HEATR5A: variants seen among roughly 807,000 people sequenced by gnomAD.
The protein encoded by HEATR5A is HEAT repeat containing 5A, also known as HEAT repeat-containing protein 5A.
Under a neutral mutation model 218.8 loss-of-function variants are expected in HEATR5A, and 178 were observed. The ratio of observed to expected loss-of-function variants is 0.81; its 90% CI spans 0.72 to 0.92. The LOEUF (loss-of-function observed/expected upper bound fraction) is 0.92, where lower values mean the gene tolerates loss of function less well. Ranked by LOEUF, HEATR5A falls within the 40% of genes least tolerant of loss-of-function variation. HEATR5A has a pLI of 0.00. For missense variants in HEATR5A, 2,420 were observed against 2,418.9 expected, an observed-to-expected ratio of 1.00 and a Z score of -0.01; for synonymous variants, 864 against 871.6, an observed-to-expected ratio of 0.99 and a Z score of 0.15.
chr14:31,405,404 AGACTGGGG>A (rs2031026924), intron 1 of HEATR5A, among the ~76,000 whole-genome samples: 1 of 152,216 alleles, frequency 6.6e-6, no homozygotes, highest in Non-Finnish European at 1.5e-5. Flanking sequence ...ACTGCACTCC[AGACTGGGG>A]GACAGAGTGA....
rs578252611 is a variant in HEATR5A at position 31,320,100 on chromosome 14, CTTTA to C, written c.3969+1395_3969+1398del. 234 of 220,336 alleles carry C rather than the reference CTTTA, an allele frequency of 1.1e-3. 3 individuals are homozygous for C. The highest frequency in any genetic ancestry group is 9.1e-3 in the East Asian group (76 of 8,384). The allele number at this position is 220,336 out of a possible 1,614,324, so 13.6% of individuals were successfully genotyped here. A position where few individuals can be genotyped will look rare whatever the true frequency, so the allele number is the denominator to read the frequency against. Reference sequence around the variant, plus strand: ...GGTTATATATATTATGAAAATTAACCTTTATTTATTTATTTATTTATTTAGAGAA... The same window carrying C: ...GGTTATATATATTATGAAAATTAACCTTTATTTATTTATTTATTTAGAGAA... On this transcript the variant is annotated intron_variant, in intron 25 of 35. Transcript: ENST00000543095.
chr14:31,387,842 G>A (rs1326200344), intron 7 of HEATR5A, among the ~76,000 whole-genome samples: 1 of 152,170 alleles, frequency 6.6e-6, no homozygotes, highest in African/African-American at 2.4e-5. Context: ...TTACAGGCGT[G>A]AGCCACCGCA....
chr14:31,372,555 G>A (rs887941125), intron 12 of HEATR5A, among the ~76,000 whole-genome samples: 1 of 152,130 alleles, frequency 6.6e-6, no homozygotes, highest in Non-Finnish European at 1.5e-5. Context: ...TGGGCCAGGC[G>A]CAGTGGCTCA....
intron 33 of HEATR5A, among the ~76,000 whole-genome samples, chr14:31,301,674 G>A (rs887444495): frequency 1.3e-5 from 2 of 152,082 alleles, no homozygotes; most frequent in Non-Finnish European, 2.9e-5. Flanking sequence ...TGTATTTTCA[G>A]TAGAGATGGG....
At chr14:31,375,967 G>A (rs577876413) in intron 11 of HEATR5A, among the ~76,000 whole-genome samples, 2 of 152,080 alleles carry the variant, frequency 1.3e-5, no homozygotes, top group East Asian at 1.9e-4. Context: ...TCCAGTAAGC[G>A]CTCTCTACTT....
chr14:31,368,670 C>A (rs1201827874), intron 13 of HEATR5A, among the ~76,000 whole-genome samples: 1 of 151,724 alleles, frequency 6.6e-6, no homozygotes, highest in Non-Finnish European at 1.5e-5. Flanking sequence ...GCTAGGACTA[C>A]TAGTGAGCAT....
At chr14:31,405,768 C>G (rs554328829) in intron 1 of HEATR5A, among the ~76,000 whole-genome samples, 10 of 152,278 alleles carry the variant, frequency 6.6e-5, no homozygotes, top group Middle Eastern at 3.4e-3. Context: ...ATTACCCTTT[C>G]TAGAAATCAT....
In HEATR5A at chr14:31,374,935, A is replaced by G; in HGVS notation, c.1742T>C (p.Val581Ala). Residue 581 changes from valine (V) to alanine (A), a missense_variant, in exon 12 of 36, where the codon GTT becomes GCT. By Grantham distance (64) the Val-to-Ala change is moderately conservative (BLOSUM62 0). Coordinates refer to ENST00000543095, the MANE Select transcript of HEATR5A (RefSeq NM_015473.4). ...PAVVSHHLARVLLLWKCVFPA... is the reference protein window; with the variant it reads ...PAVVSHHLARALLLWKCVFPA... ...AAAGACACACTTCCACAACAGCAGA[A>G]CTCGAGCAAGGTGATGGCTAACAAC... 1 of 1,611,696 alleles carries G rather than the reference A, an allele frequency of 6.2e-7. No individual in the cohort carries two copies.
At chr14:31,374,272 C>G (rs1003578288) in intron 12 of HEATR5A, among the ~76,000 whole-genome samples, 2 of 138,852 alleles carry the variant, frequency 1.4e-5, no homozygotes, top group African/African-American at 5.4e-5. Flanking sequence ...CCACAACATT[C>G]TAGCCTGGGC....
rs1182009191 is a variant in HEATR5A at position 31,386,428 on chromosome 14, G to A, written c.1337C>T (p.Ser446Leu). The change falls in exon 9 of 36, where the codon TCA becomes TTA. Residue 446 changes from serine (S) to leucine (L), a missense_variant. Coordinates refer to ENST00000543095, the MANE Select transcript of HEATR5A (RefSeq NM_015473.4). ...GTCACAAACAGATATACCTGTACTT[G>A]AATCCTGTAGCAAAGGTGCCGCTGT... is the stretch of plus-strand genomic sequence containing the variant. Reference protein sequence around the residue: ...GTTAAPLLQDSSTGLLDSILS... With the variant: ...GTTAAPLLQDLSTGLLDSILS... 2 of 1,613,412 alleles carry A rather than the reference G, an allele frequency of 1.2e-6. No homozygotes were observed. Among genetic ancestry groups the A allele is most frequent in the East Asian group, 2.2e-5 (1 of 44,850 alleles).
intron 6 of HEATR5A, among the ~76,000 whole-genome samples, chr14:31,391,068 T>A (rs901613722): frequency 5.5e-5 from 7 of 126,434 alleles, no homozygotes; most frequent in African/African-American, 1.6e-4. Flanking sequence ...TAAAAAAAAT[T>A]TTTTTAATAG....
chr14:31,369,243 G>A (rs1232601422), intron 13 of HEATR5A, among the ~76,000 whole-genome samples: 3 of 152,024 alleles, frequency 2.0e-5, no homozygotes, highest in Non-Finnish European at 2.9e-5. Context: ...TTAAGCCTGG[G>A]AGCCTGGGGC....
intron 30 of HEATR5A, among the ~76,000 whole-genome samples, chr14:31,307,613 A>G (rs1334533398): frequency 6.6e-6 from 1 of 152,230 alleles, no homozygotes; most frequent in Non-Finnish European, 1.5e-5. Context: ...AATAAATGCC[A>G]CATGTAATTA....
chr14:31,323,408 T>A (rs1411665303), intron 24 of HEATR5A, among the ~76,000 whole-genome samples, 157 bp downstream of exon 24: 1 of 152,132 alleles, frequency 6.6e-6, no homozygotes. Flanking sequence ...GTGATCCTCC[T>A]GCCTCAGCCT....
intron 20 of HEATR5A, 133 bp downstream of exon 20, chr14:31,344,954 T>C (rs778157595): frequency 2.8e-6 from 2 of 706,980 alleles, no homozygotes; most frequent in Non-Finnish European, 4.7e-6. Flanking sequence ...GAAATCAGGC[T>C]GAATGGCATT....
chr14:31,341,431 T>C (rs181061663), intron 21 of HEATR5A, among the ~76,000 whole-genome samples: 4 of 152,138 alleles, frequency 2.6e-5, no homozygotes, highest in Admixed American at 1.3e-4. Context: ...TCTTGCTCCA[T>C]TGCCCAGGGT....
intron 1 of HEATR5A, among the ~76,000 whole-genome samples, chr14:31,406,118 T>A (rs1478012280): frequency 6.6e-6 from 1 of 152,176 alleles, no homozygotes; most frequent in Non-Finnish European, 1.5e-5. Context: ...TCTTACCTCA[T>A]CAGGAAGATG....
intron 33 of HEATR5A, chr14:31,296,647 G>A (rs1215750224): frequency 1.3e-5 from 2 of 152,186 alleles, no homozygotes; most frequent in African/African-American, 4.8e-5. Context: ...GAAAACAGCT[G>A]TGTAGGCCAC....
chr14:31,373,089 T>C (rs774249884), intron 12 of HEATR5A, among the ~76,000 whole-genome samples: 21 of 152,104 alleles, frequency 1.4e-4, no homozygotes, highest in Non-Finnish European at 1.2e-4. Flanking sequence ...GTCTGGCTAA[T>C]TTTTGTATTT....
Sources: gnomAD v4.1 joint callset for allele counts (sites outside exome capture counted in the v4.1 genomes callset) on GRCh38, gnomAD v4.1.1 for gene constraint, MANE v1.5 for transcripts, NCBI Gene and HGNC (gene_info 2026-07-23, HGNC 2026-07-21) for gene names.